Variants in PPP1R12A observed in about 807,000 individuals in gnomAD.
PPP1R12A encodes the protein protein phosphatase 1 regulatory subunit 12A, also known as myosin binding subunit.
PPP1R12A carries 19 observed loss-of-function variants against 139.6 expected under a neutral mutation model. The ratio of observed to expected loss-of-function variants is 0.14; its 90% CI spans 0.09 to 0.20. The LOEUF (loss-of-function observed/expected upper bound fraction) is 0.20, where lower values mean the gene tolerates loss of function less well. PPP1R12A is among the 10% of genes least tolerant of loss of function. The pLI is 1.00. For missense variants in PPP1R12A, 925 were observed against 1,211.5 expected (o/e 0.76, Z 3.51); for synonymous variants, 427 against 420.6 (o/e 1.02, Z -0.19).
Position 79,850,001 on chromosome 12 carries a change from A to G in PPP1R12A, c.369-4581T>C, listed in dbSNP as rs578009504. ...ACAACACCCAGCTAAATTTAAAAAA[A>G]AAAAAATTTAGGGATGGGGTCTCCC... On this transcript the variant is annotated intron_variant, in intron 2 of 24. Transcript: ENST00000450142. 3.9e-5 allele frequency among the ~76,000 whole-genome samples: 6 copies of G among 152,082 alleles called. No individual in the cohort carries two copies. In the South Asian group the frequency reaches 6.2e-4, roughly 16 times the overall value.
At chr12:79,781,318 ACTT>A (rs1870423760) in intron 23 of PPP1R12A, among the ~76,000 whole-genome samples, 1 of 152,168 alleles carries the variant, frequency 6.6e-6, no homozygotes, top group African/African-American at 2.4e-5. Context: ...AAAATAGCCT[ACTT>A]AAGTTAAATA....
At chr12:79,794,857 AAC>A (rs1872324561) in intron 18 of PPP1R12A, among the ~76,000 whole-genome samples, 1 of 152,086 alleles carries the variant, frequency 6.6e-6, no homozygotes, top group Admixed American at 6.6e-5. Flanking sequence ...TTATAAACAT[AAC>A]AGTTATAAAA....
intron 21 of PPP1R12A, 123 bp downstream of exon 21, chr12:79,788,525 G>A (rs1381483110): frequency 1.9e-5 from 19 of 988,242 alleles, no homozygotes; most frequent in South Asian, 1.2e-4. Flanking sequence ...ATCACTTGCC[G>A]AAAACTGAAA....
intron 14 of PPP1R12A, among the ~76,000 whole-genome samples, chr12:79,805,136 C>T (rs1388740504): frequency 6.6e-6 from 1 of 152,154 alleles, no homozygotes; most frequent in Non-Finnish European, 1.5e-5. Context: ...GAAGTCTTTC[C>T]TTACCAAGAG....
intron 1 of PPP1R12A, among the ~76,000 whole-genome samples, chr12:79,932,581 C>T (rs927926181): frequency 9.2e-5 from 14 of 152,180 alleles, no homozygotes; most frequent in Non-Finnish European, 1.5e-4. Flanking sequence ...AAAGATATTA[C>T]GCAAATGGAG....
intron 1 of PPP1R12A, among the ~76,000 whole-genome samples, chr12:79,902,747 G>A (rs1885761585): frequency 6.6e-6 from 1 of 152,044 alleles, no homozygotes; most frequent in Non-Finnish European, 1.5e-5. Context: ...ATTACAGGTT[G>A]AGCATCACTA....
At chr12:79,917,372 C>T (rs1238164335) in intron 1 of PPP1R12A, among the ~76,000 whole-genome samples, 1 of 151,276 alleles carries the variant, frequency 6.6e-6, no homozygotes, top group Admixed American at 6.6e-5. Flanking sequence ...ATAATCCCAG[C>T]TACTCGGGAG....
chr12:79,800,923 C>T (rs1465699988), intron 14 of PPP1R12A, among the ~76,000 whole-genome samples: 56 of 151,636 alleles, frequency 3.7e-4, no homozygotes, highest in Admixed American at 9.2e-4. Context: ...TTAGTAGAGA[C>T]GGGGTTTCAC....
At chr12:79,911,833 C>T (rs752817116) in intron 1 of PPP1R12A, among the ~76,000 whole-genome samples, 14 of 152,102 alleles carry the variant, frequency 9.2e-5, no homozygotes, top group Non-Finnish European at 1.6e-4. Flanking sequence ...CTCCGATTCC[C>T]CCCACCCAAT....
In PPP1R12A at chr12:79,844,383, G is replaced by A. The variant is rs1879139994; in HGVS notation, c.487+919C>T. Among the ~76,000 whole-genome samples the A allele has an allele frequency of 2.0e-5, 3 of 152,182 alleles. No individual in the cohort carries two copies. In the South Asian group the frequency reaches 6.2e-4, roughly 32 times the overall value. On this transcript the variant is annotated intron_variant, in intron 3 of 24. Transcript: ENST00000450142. ...CTTACAATCTTCACATCTCAGATAG[G>A]AACTTCATCCATCCATTTGTTCAAA...
At chr12:79,854,907 A>T (rs1433223540) in intron 2 of PPP1R12A, among the ~76,000 whole-genome samples, 1 of 152,052 alleles carries the variant, frequency 6.6e-6, no homozygotes, top group Non-Finnish European at 1.5e-5. Flanking sequence ...TCTTGGCCTC[A>T]AGCAATCCTC....
At chr12:79,931,504 G>A (rs1888250389) in intron 1 of PPP1R12A, among the ~76,000 whole-genome samples, 3 of 152,100 alleles carry the variant, frequency 2.0e-5, no homozygotes, top group Non-Finnish European at 4.4e-5. Flanking sequence ...CAAAACTGCT[G>A]GAGAAAAATC....
At chr12:79,864,644 C>T (rs1881756363) in intron 2 of PPP1R12A, among the ~76,000 whole-genome samples, 1 of 152,132 alleles carries the variant, frequency 6.6e-6, no homozygotes, top group Admixed American at 6.5e-5. Context: ...GTGGTCATCA[C>T]CACCAATCCC....
Position 79,806,177 on chromosome 12 carries a change from G to A in PPP1R12A, c.1812C>T (p.Gly604=). 1 of 1,613,872 alleles carries A rather than the reference G, an allele frequency of 6.2e-7. No homozygotes were observed. Among genetic ancestry groups the A allele is most frequent in the Non-Finnish European group, 8.5e-7 (1 of 1,179,786 alleles). Residue 604 remains glycine, a synonymous_variant, in exon 13 of 25, where the codon GGC becomes GGT. Transcript: ENST00000450142. ...TKITTGSSSA[G]TQSSTSNRLW... ...TATCTGTGACTTACCTGCTTTGTGT[G>A]CCTGCTGAGGAAGAACCCGTTGTAA...
At chr12:79,858,454 G>C (rs552982472) in intron 2 of PPP1R12A, among the ~76,000 whole-genome samples, 3 of 152,138 alleles carry the variant, frequency 2.0e-5, no homozygotes, top group Non-Finnish European at 2.9e-5. Flanking sequence ...TATAAATTAG[G>C]TACAAGTATT....
intron 23 of PPP1R12A, among the ~76,000 whole-genome samples, chr12:79,780,908 C>CT (rs946425770): frequency 1.9e-4 from 29 of 151,088 alleles, no homozygotes; most frequent in African/African-American, 5.8e-4. Context: ...TTTTTATATT[C>CT]TTTTTTTTTA....
At chr12:79,799,793 T>G (rs2137036258) in intron 14 of PPP1R12A, among the ~76,000 whole-genome samples, 1 of 152,108 alleles carries the variant, frequency 6.6e-6, no homozygotes, top group South Asian at 2.1e-4. Flanking sequence ...GCTGATTGCT[T>G]GAGCCCAGGA....
intron 10 of PPP1R12A, among the ~76,000 whole-genome samples, chr12:79,808,890 C>A (rs1874182874): frequency 6.6e-6 from 1 of 152,034 alleles, no homozygotes; most frequent in South Asian, 2.1e-4. Flanking sequence ...GCTGAAATAT[C>A]TTTATTTCTT....
chr12:79,817,336 G>A (rs1207204666), intron 9 of PPP1R12A, 58 bp downstream of exon 9: 6 of 1,511,352 alleles, frequency 4.0e-6, no homozygotes, highest in Non-Finnish European at 4.5e-6. Context: ...TAATGAGTTA[G>A]TCCAAGTGGT....
Sources: gnomAD v4.1 joint callset for allele counts (sites outside exome capture counted in the v4.1 genomes callset) on GRCh38, gnomAD v4.1.1 for gene constraint, MANE v1.5 for transcripts, NCBI Gene and HGNC (gene_info 2026-07-23, HGNC 2026-07-21) for gene names.